The following RBFOX3 variants were observed in gnomAD, a reference collection of about 807,000 sequenced individuals.
RBFOX3 encodes the protein RNA binding protein fox-1 homolog 3.
A neutral mutation model predicts 48.7 loss-of-function variants in RBFOX3; 17 were observed. The observed-to-expected ratio is 0.35, with a 90% confidence interval of 0.24 to 0.52. RBFOX3 has a LOEUF of 0.52. Ranked by LOEUF, RBFOX3 falls within the 20% of genes least tolerant of loss-of-function variation. The probability of loss-of-function intolerance (pLI) is 0.94; values close to 1 mark genes in which losing one functional copy is unlikely to be tolerated. For missense variants in RBFOX3, 382 were observed against 497.5 expected, an observed-to-expected ratio of 0.77 and a Z score of 2.21; for synonymous variants, 212 against 209.5, an observed-to-expected ratio of 1.01 and a Z score of -0.10.
chr17:79,308,511 A>G (rs991024358), intron 2 of RBFOX3, among the ~76,000 whole-genome samples: 1 of 152,100 alleles, frequency 6.6e-6, no homozygotes, highest in Non-Finnish European at 1.5e-5. Context: ...TCAAGGGGGC[A>G]CCTGGCTTCT....
At position 79,212,596 on chromosome 17, in the gene RBFOX3, T is replaced by A. The variant is rs2058525483; in HGVS notation, c.-34+23170A>T. On this transcript the variant is annotated intron_variant, in intron 4 of 14. Transcript: ENST00000693108. The surrounding 1 kb of genome is among the most constrained non-coding windows in gnomAD (Gnocchi z 4.7). ...CAACTTAACTTCTTTCACAAGCAAA[T>A]TCCCAGAGCCTGGTTCTTCCCCAGC... Among the ~76,000 whole-genome samples, 1 of 152,170 alleles carries A rather than the reference T, an allele frequency of 6.6e-6. No individual in the cohort carries two copies. The highest frequency in any genetic ancestry group is 1.5e-5 in the Non-Finnish European group (1 of 68,024).
At chr17:79,210,898 C>T (rs1236058647) in intron 4 of RBFOX3, among the ~76,000 whole-genome samples, 4 of 150,532 alleles carry the variant, frequency 2.7e-5, no homozygotes, top group African/African-American at 4.9e-5. Flanking sequence ...GCAGTGAGCA[C>T]CTCTGCAGAG....
intron 4 of RBFOX3, among the ~76,000 whole-genome samples, chr17:79,154,457 G>A (rs1017850690): frequency 1.3e-5 from 2 of 152,226 alleles, no homozygotes; most frequent in African/African-American, 2.4e-5. Context: ...CATAGCAGGT[G>A]TTCAATAAAG....
chr17:79,200,232 G>A (rs1374528207), intron 4 of RBFOX3, among the ~76,000 whole-genome samples: 1 of 151,408 alleles, frequency 6.6e-6, no homozygotes, highest in Non-Finnish European at 1.5e-5. Flanking sequence ...CCAGTGAGAT[G>A]ACAGATGGCC....
intron 2 of RBFOX3, among the ~76,000 whole-genome samples, chr17:79,398,054 G>C (rs1013940119): frequency 3.9e-5 from 6 of 152,144 alleles, no homozygotes; most frequent in Non-Finnish European, 7.3e-5. Flanking sequence ...AGGAAGACTC[G>C]GAGCCCGAAC....
At chr17:79,096,503 T>C (rs2146283243) in intron 12 of RBFOX3, 150 bp downstream of exon 12, 1 of 669,458 alleles carries the variant, frequency 1.5e-6, no homozygotes, top group South Asian at 1.8e-5. Flanking sequence ...TGCCATACTC[T>C]GGGCAGACGT....
chr17:79,362,070 G>C lies in RBFOX3; in HGVS notation c.-174-54246C>G, dbSNP rs1254193622. ...GCTGCGTATTTACTCAGTCATCAAAGCGCAAATGTGGTGGGTAACAGATCA... is the reference window on the plus strand; with the variant it reads ...GCTGCGTATTTACTCAGTCATCAAACCGCAAATGTGGTGGGTAACAGATCA... On this transcript the variant is annotated intron_variant, in intron 2 of 14. Coordinates refer to ENST00000693108, the MANE Select transcript of RBFOX3 (RefSeq NM_001350451.2). The surrounding 1 kb of genome is among the most constrained non-coding windows in gnomAD (Gnocchi z 4.2). 6.6e-6 allele frequency among the ~76,000 whole-genome samples: 1 copy of C among 152,102 alleles called. No individual in the cohort carries two copies. Among genetic ancestry groups the C allele is most frequent in the Non-Finnish European group, 1.5e-5 (1 of 68,032 alleles).
At chr17:79,517,082 C>T (rs2149940212) in intron 1 of RBFOX3, among the ~76,000 whole-genome samples, 1 of 152,194 alleles carries the variant, frequency 6.6e-6, no homozygotes, top group South Asian at 2.1e-4. Context: ...GTGCCGAATG[C>T]CACTGGCTGA....
At chr17:79,132,444 T>C (rs913981098) in intron 4 of RBFOX3, among the ~76,000 whole-genome samples, 1 of 152,192 alleles carries the variant, frequency 6.6e-6, no homozygotes, top group African/African-American at 2.4e-5. Flanking sequence ...TGCACGTGTG[T>C]GTACTCACGC....
At chr17:79,272,210 T>G (rs16972228) in intron 3 of RBFOX3, among the ~76,000 whole-genome samples, 17,317 of 152,082 alleles carry the variant, frequency 0.11, 1,037 homozygotes, top group South Asian at 0.16. Flanking sequence ...CCGTTGCTAT[T>G]GGCAGCCACT....
intron 2 of RBFOX3, among the ~76,000 whole-genome samples, chr17:79,397,342 A>C (rs1404817890): frequency 2.0e-5 from 3 of 151,952 alleles, no homozygotes; most frequent in Non-Finnish European, 4.4e-5. Flanking sequence ...TTAAAAAAAA[A>C]ATTAGCTGGG....
At chr17:79,406,368 G>A (rs373973028) in intron 2 of RBFOX3, among the ~76,000 whole-genome samples, 32 of 152,244 alleles carry the variant, frequency 2.1e-4, no homozygotes, top group African/African-American at 6.5e-4. Flanking sequence ...CTGCCAGGTC[G>A]CTTCTCAGTC....
chr17:79,625,110 C>T, the RBFOX3 span, among the ~76,000 whole-genome samples: 2 of 152,092 alleles, frequency 1.3e-5, no homozygotes, highest in Non-Finnish European at 1.5e-5. Context: ...GGAACATATC[C>T]GTCACCCCCA....
intron 2 of RBFOX3, among the ~76,000 whole-genome samples, chr17:79,343,449 C>A (rs539226083): frequency 1.3e-5 from 2 of 151,978 alleles, no homozygotes; most frequent in Non-Finnish European, 2.9e-5. Context: ...TTTGGGAGAT[C>A]GAGGTTGCAG....
At chr17:79,549,778 AG>A (rs1555793063) in intron 1 of RBFOX3, among the ~76,000 whole-genome samples, 13 of 152,326 alleles carry the variant, frequency 8.5e-5, no homozygotes, top group Non-Finnish European at 2.9e-5. Context: ...CACAATGGAG[AG>A]GGCTCAGCAG....
In RBFOX3 at chr17:79,488,700, G is replaced by A. The variant is rs375523698; in HGVS notation, c.-319-6102C>T. ...ACCCAGGTTCCGGACATTCAACAAG[G>A]TACACTAGCAACCCCATCCCTGCCC... On this transcript the variant is annotated intron_variant, in intron 1 of 14. Coordinates refer to ENST00000693108, the MANE Select transcript of RBFOX3 (RefSeq NM_001350451.2). Among the ~76,000 whole-genome samples the A allele has an allele frequency of 1.8e-4, 27 of 152,324 alleles. No individual in the cohort carries two copies. The East Asian group carries it at 4.4e-3, about 25-fold the overall frequency.
chr17:79,646,989 C>A, the RBFOX3 span, among the ~76,000 whole-genome samples: 1 of 152,182 alleles, frequency 6.6e-6, no homozygotes, highest in Admixed American at 6.5e-5. Flanking sequence ...AGCAGTGGAG[C>A]CAGGGGACAG....
chr17:79,522,947 A>G (rs1004672908), intron 1 of RBFOX3, among the ~76,000 whole-genome samples: 3 of 151,432 alleles, frequency 2.0e-5, no homozygotes, highest in South Asian at 2.1e-4. Flanking sequence ...AAAAAAAAAA[A>G]AAAAAAAAAT....
intron 3 of RBFOX3, among the ~76,000 whole-genome samples, chr17:79,255,592 A>G (rs2064693065): frequency 6.6e-6 from 1 of 151,732 alleles, no homozygotes; most frequent in African/African-American, 2.4e-5. Flanking sequence ...TTAATGGGAC[A>G]CTCCATCTTC....
Sources: allele counts gnomAD v4.1 joint callset (sites outside exome capture counted in the v4.1 genomes callset), GRCh38; gene constraint gnomAD v4.1.1; non-coding constraint Gnocchi (gnomAD v3.1); transcripts MANE v1.5; gene names NCBI Gene and HGNC (gene_info 2026-07-23, HGNC 2026-07-21).